Variants in AGAP3 observed in about 807,000 individuals in gnomAD.
AGAP3 encodes the protein arf-GAP with GTPase, ANK repeat and PH domain-containing protein 3.
AGAP3 carries 24 observed loss-of-function variants against 96.9 expected under a neutral mutation model. That is an observed-to-expected ratio of 0.25 (90% CI 0.18 to 0.35). AGAP3 has a LOEUF of 0.35. Ranked by LOEUF, AGAP3 falls within the 10% of genes least tolerant of loss-of-function variation. AGAP3 has a pLI of 1.00. For missense variants in AGAP3, 876 were observed against 1,254.2 expected (o/e 0.70, Z 4.55); for synonymous variants, 563 against 536.1 (o/e 1.05, Z -0.69).
At position 151,123,846 on chromosome 7, in the gene AGAP3, T is replaced by C. The variant is rs1563494464; in HGVS notation, c.1181T>C (p.Val394Ala). ...DREKKAAECKVDSIGSGRAIP... is the reference protein window; with the variant it reads ...DREKKAAECKADSIGSGRAIP... Reference sequence around the variant, plus strand: ...GAGAAGAAGGCTGCCGAGTGCAAGGTGGACAGCATCGGGAGCGGCCGCGCC... The same window carrying C: ...GAGAAGAAGGCTGCCGAGTGCAAGGCGGACAGCATCGGGAGCGGCCGCGCC... Residue 394 changes from valine (V) to alanine (A), a missense_variant, in exon 9 of 18, where the codon GTG (valine) becomes GCG (alanine). Around this residue, in one of 8 missense-constraint regions of AGAP3, gnomAD observed 49 missense variants for 41.7 expected, o/e 1.17. Transcript: ENST00000397238. The C allele has an allele frequency of 1.2e-6, 2 of 1,612,130 alleles. No individual in the cohort carries two copies. Among genetic ancestry groups the C allele is most frequent in the Non-Finnish European group, 8.5e-7 (1 of 1,179,942 alleles).
chr7:151,109,959 C>G (rs931732844), intron 1 of AGAP3, among the ~76,000 whole-genome samples: 6 of 152,264 alleles, frequency 3.9e-5, no homozygotes, highest in African/African-American at 1.4e-4. Context: ...GCACCTTTAG[C>G]TGGAAGCTGG....
At chr7:151,088,525 G>A (rs1798250046) in intron 1 of AGAP3, among the ~76,000 whole-genome samples, 1 of 152,242 alleles carries the variant, frequency 6.6e-6, no homozygotes, top group African/African-American at 2.4e-5. Context: ...AGGCGGGAGA[G>A]ACATCGTTGC....
intron 8 of AGAP3, among the ~76,000 whole-genome samples, chr7:151,121,394 C>A (rs1271439633): frequency 6.6e-6 from 1 of 151,936 alleles, no homozygotes; most frequent in African/African-American, 2.4e-5. Flanking sequence ...GCTGCGGGAC[C>A]CTTAGGTGCC....
chr7:151,098,733 C>CTTTTTTTT (rs34617813), intron 1 of AGAP3, among the ~76,000 whole-genome samples: 1 of 116,114 alleles, frequency 8.6e-6, no homozygotes, highest in Admixed American at 8.8e-5. Context: ...ATTTTCTTTT[C>CTTTTTTTT]TTTTTTTTTT....
chr7:151,099,908 T>G (rs1053179161), intron 1 of AGAP3, among the ~76,000 whole-genome samples: 3 of 152,252 alleles, frequency 2.0e-5, no homozygotes, highest in Admixed American at 6.5e-5. Context: ...GAAACTGTGT[T>G]GCACAGAGGG....
Position 151,142,405 on chromosome 7 carries a change from T to C in AGAP3, c.2051-7T>C. ...TGTCGCTGTATCATTCTCCTCTCCT[T>C]GCCTAGATCCAGACTGGGCCAGCCT... is the stretch of plus-strand genomic sequence containing the variant. On this transcript the variant is annotated splice_region_variant and splice_polypyrimidine_tract_variant and intron_variant, in intron 15 of 17. Transcript: ENST00000397238. The surrounding 1 kb of genome is among the most constrained non-coding windows in gnomAD (Gnocchi z 7.5). 1 of 1,612,276 alleles carries C rather than the reference T, an allele frequency of 6.2e-7. No homozygotes were observed. Among genetic ancestry groups the C allele is most frequent in the Middle Eastern group, 1.7e-4 (1 of 6,058 alleles).
At chr7:151,138,431 G>T in intron 12 of AGAP3, 118 bp downstream of exon 12, 1 of 1,235,752 alleles carries the variant, frequency 8.1e-7, no homozygotes, top group South Asian at 1.6e-5. Context: ...AGGCCAAGGG[G>T]TGGGGCCCAG....
At position 151,137,495 on chromosome 7, in the gene AGAP3, A is replaced by C. The variant is rs536487579; in HGVS notation, c.1496-648A>C. Among the ~76,000 whole-genome samples, 74 of 152,248 alleles carry C rather than the reference A, an allele frequency of 4.9e-4. 1 individual carries two copies. The South Asian group carries it at 5.6e-3, about 12-fold the overall frequency. On this transcript the variant is annotated intron_variant, in intron 11 of 17. Coordinates refer to ENST00000397238, the MANE Select transcript of AGAP3 (RefSeq NM_031946.7). ...CCACGGCTGTTCCCAGAATCTCTCC[A>C]GCAGGGGCTCAGCCAGGGAGTGAGG...
intron 1 of AGAP3, among the ~76,000 whole-genome samples, chr7:151,105,869 C>T (rs1425592334): frequency 8.6e-6 from 1 of 116,290 alleles, no homozygotes; most frequent in Non-Finnish European, 1.7e-5. Context: ...AGGTAAGAGT[C>T]TTTTTTTTTT....
chr7:151,110,995 T>C (rs1475755477), intron 1 of AGAP3, among the ~76,000 whole-genome samples: 7 of 152,138 alleles, frequency 4.6e-5, no homozygotes, highest in Non-Finnish European at 2.9e-5. Flanking sequence ...GGGAGGACTG[T>C]GGCCCCACTG....
intron 10 of AGAP3, among the ~76,000 whole-genome samples, chr7:151,130,215 G>C (rs1269632755): frequency 6.6e-6 from 1 of 152,214 alleles, no homozygotes; most frequent in African/African-American, 2.4e-5. Context: ...TTGGTGCGCT[G>C]TCTGTGCCCT....
chr7:151,118,040 A>G lies in AGAP3; in HGVS notation c.707-170A>G. The G allele has an allele frequency of 2.1e-6, 2 of 968,642 alleles. No individual in the cohort carries two copies. The highest frequency in any genetic ancestry group is 3.5e-5 in the South Asian group (2 of 56,844). The allele number at this position is 968,642 out of a possible 1,614,324, so 60.0% of individuals were successfully genotyped here. On this transcript the variant is annotated intron_variant, in intron 5 of 17. Transcript: ENST00000397238. The surrounding 1 kb of genome is among the most constrained non-coding windows in gnomAD (Gnocchi z 6.1). ...CTTAAGTGCTTGCTGGTTTGCACTC[A>G]GTGAGGCCATGGAAGGGTTGAAATG...
intron 9 of AGAP3, among the ~76,000 whole-genome samples, chr7:151,127,656 A>C (rs1800233908): frequency 6.6e-6 from 1 of 152,236 alleles, no homozygotes; most frequent in East Asian, 1.9e-4. Flanking sequence ...CCCGCCTCCC[A>C]TTCCCAGCTG....
chr7:151,097,621 C>T (rs1798661121), intron 1 of AGAP3, among the ~76,000 whole-genome samples: 1 of 151,772 alleles, frequency 6.6e-6, no homozygotes. Flanking sequence ...TCCGGGGAGG[C>T]CTCAGGGAGC....
At position 151,140,133 on chromosome 7, in the gene AGAP3, G is replaced by C. The variant is rs753247766; in HGVS notation, c.1804+17G>C. ...CTACTGAAGGTTAGGGGGACCCAGAGGGAAACCGGGCACAGGAGGTGGGCA... is the reference window on the plus strand; with the variant it reads ...CTACTGAAGGTTAGGGGGACCCAGACGGAAACCGGGCACAGGAGGTGGGCA... On this transcript the variant is annotated intron_variant, in intron 13 of 17. Coordinates refer to ENST00000397238, the MANE Select transcript of AGAP3 (RefSeq NM_031946.7). The surrounding 1 kb of genome is among the most constrained non-coding windows in gnomAD (Gnocchi z 5.4). 3.8e-6 allele frequency: 6 copies of C among 1,564,666 alleles called. No homozygotes were observed. Among genetic ancestry groups the C allele is most frequent in the Non-Finnish European group, 5.2e-6 (6 of 1,157,322 alleles).
intron 8 of AGAP3, among the ~76,000 whole-genome samples, chr7:151,122,525 TC>T (rs1799954262): frequency 6.6e-6 from 1 of 151,262 alleles, no homozygotes; most frequent in Non-Finnish European, 1.5e-5. Flanking sequence ...CGCCGCCTCC[TC>T]CTCCTCCTGG....
At chr7:151,116,898 C>T (rs759010955) in intron 2 of AGAP3, 47 bp downstream of exon 2, 42 of 1,530,592 alleles carry the variant, frequency 2.7e-5, no homozygotes, top group Admixed American at 2.4e-4. Flanking sequence ...GCTGGGGGGG[C>T]GAGGCTGGGT....
chr7:151,095,405 C>T (rs1316649589), intron 1 of AGAP3, among the ~76,000 whole-genome samples: 1 of 152,218 alleles, frequency 6.6e-6, no homozygotes, highest in Non-Finnish European at 1.5e-5. Flanking sequence ...CAGAACCCCT[C>T]CTTACCGCCG....
At position 151,138,854 on chromosome 7, in the gene AGAP3, T is replaced by C. The variant is rs545244391; in HGVS notation, c.1666+541T>C. Among the ~76,000 whole-genome samples, 3 of 152,166 alleles carry C rather than the reference T, an allele frequency of 2.0e-5. No individual in the cohort carries two copies. The East Asian group carries it at 5.8e-4, about 29-fold the overall frequency. On this transcript the variant is annotated intron_variant, in intron 12 of 17. Coordinates refer to ENST00000397238, the MANE Select transcript of AGAP3 (RefSeq NM_031946.7). ...GTGGAGTTGTCCTGAAAGGTCGTTT[T>C]CCACCTGTGCTGTCCCCCTCAGATA...
Sources: gnomAD v4.1 joint callset for allele counts (sites outside exome capture counted in the v4.1 genomes callset) on GRCh38, gnomAD v4.1.1 for gene constraint, gnomAD v4.1.1 regional missense constraint, Gnocchi (gnomAD v3.1) non-coding constraint, MANE v1.5 for transcripts, NCBI Gene and HGNC (gene_info 2026-07-23, HGNC 2026-07-21) for gene names.